KDM4C: variants seen among roughly 807,000 people sequenced by gnomAD.
KDM4C encodes lysine-specific demethylase 4C.
In KDM4C, 81 loss-of-function variants were observed where a neutral mutation model predicts 129.3. The ratio of observed to expected loss-of-function variants is 0.63; its 90% CI spans 0.52 to 0.75. The LOEUF (loss-of-function observed/expected upper bound fraction) is 0.75. KDM4C is among the 30% of genes least tolerant of loss of function. KDM4C has a pLI of 0.00. For missense variants in KDM4C, 1,457 were observed against 1,304.0 expected (o/e 1.12, Z -1.81); for synonymous variants, 573 against 456.1 (o/e 1.26, Z -3.26).
chr9:6,900,590 A>G (rs1817228637), intron 8 of KDM4C, among the ~76,000 whole-genome samples: 1 of 152,198 alleles, frequency 6.6e-6, no homozygotes, highest in African/African-American at 2.4e-5. Context: ...AGCCGTGATC[A>G]CACCACTGCA....
intron 17 of KDM4C, among the ~76,000 whole-genome samples, chr9:7,082,789 G>A (rs1834685779): frequency 6.6e-6 from 1 of 152,136 alleles, no homozygotes; most frequent in African/African-American, 2.4e-5. Context: ...ATTTGCAGTA[G>A]CAAAACACAG....
intron 15 of KDM4C, among the ~76,000 whole-genome samples, chr9:7,039,571 A>T (rs1424384182): frequency 6.6e-6 from 1 of 152,070 alleles, no homozygotes; most frequent in Non-Finnish European, 1.5e-5. Context: ...GACTCCCCCA[A>T]TACCTAACTA....
intron 19 of KDM4C, among the ~76,000 whole-genome samples, chr9:7,156,155 T>A (rs1843148552): frequency 6.6e-6 from 1 of 152,254 alleles, no homozygotes; most frequent in Non-Finnish European, 1.5e-5. Context: ...AAGTGTCTTC[T>A]TTTGAGAAGG....
At chr9:7,093,338 C>T (rs2133063364) in intron 17 of KDM4C, among the ~76,000 whole-genome samples, 1 of 152,174 alleles carries the variant, frequency 6.6e-6, no homozygotes, top group South Asian at 2.1e-4. Context: ...TAAAGATAAT[C>T]AGGGTTTATG....
intron 17 of KDM4C, among the ~76,000 whole-genome samples, chr9:7,052,594 T>C (rs911306065): frequency 6.6e-6 from 1 of 152,160 alleles, no homozygotes; most frequent in Non-Finnish European, 1.5e-5. Flanking sequence ...ACAGGAGACA[T>C]ATGATTAAAT....
At chr9:7,120,512 A>T (rs1839377598) in intron 18 of KDM4C, among the ~76,000 whole-genome samples, 1 of 152,198 alleles carries the variant, frequency 6.6e-6, no homozygotes, top group Non-Finnish European at 1.5e-5. Flanking sequence ...TATGATGGGA[A>T]GGACAGGAAT....
chr9:7,054,743 A>G (rs1343461089), intron 17 of KDM4C, among the ~76,000 whole-genome samples: 3 of 152,224 alleles, frequency 2.0e-5, no homozygotes, highest in Non-Finnish European at 2.9e-5. Flanking sequence ...GCTTAAATTA[A>G]TTAAAGATCT....
intron 15 of KDM4C, 43 bp downstream of exon 15, chr9:7,015,972 C>T (rs1044182703): frequency 2.2e-6 from 3 of 1,386,398 alleles, no homozygotes; most frequent in Non-Finnish European, 3.1e-6. Context: ...TCTTCCCACC[C>T]TACCCACTGT....
At chr9:6,735,551 T>G (rs938389361) in intron 1 of KDM4C, among the ~76,000 whole-genome samples, 1 of 152,140 alleles carries the variant, frequency 6.6e-6, no homozygotes, top group African/African-American at 2.4e-5. Context: ...TCTCATTAGG[T>G]CTGACGGTTT....
chr9:6,760,539 C>CTTTT (rs964868750), intron 1 of KDM4C, among the ~76,000 whole-genome samples: 12 of 141,780 alleles, frequency 8.5e-5, no homozygotes, highest in South Asian at 2.3e-4. Flanking sequence ...GGGTGATACT[C>CTTTT]TTTTTTATTT....
chr9:6,748,700 T>C (rs1341328396), intron 1 of KDM4C: 2 of 1,429,748 alleles, frequency 1.4e-6, no homozygotes, highest in Non-Finnish European at 2.0e-6. Flanking sequence ...TCATTGATCA[T>C]TTCTAGTTGG....
intron 1 of KDM4C, among the ~76,000 whole-genome samples, chr9:6,742,780 G>A (rs1188460398): frequency 6.6e-6 from 1 of 151,814 alleles, no homozygotes. Context: ...TGACTCTAAG[G>A]CCCTCCTTGA....
At position 7,112,680 on chromosome 9, in the gene KDM4C, A is replaced by C. The variant is rs1838460131; in HGVS notation, c.2610+8810A>C. ...TACATCATATGTAGCTATGGGTTGA[A>C]TCTATCCTTTCAGTTTCCTTTTTAT... On this transcript the variant is annotated intron_variant, in intron 18 of 21. Transcript: ENST00000381309. Among the ~76,000 whole-genome samples, 3 of 152,272 alleles carry C rather than the reference A, an allele frequency of 2.0e-5. No individual in the cohort carries two copies. In the South Asian group the frequency reaches 6.2e-4, roughly 32 times the overall value.
At chr9:6,800,908 G>A (rs1411730699) in intron 2 of KDM4C, among the ~76,000 whole-genome samples, 2 of 152,184 alleles carry the variant, frequency 1.3e-5, no homozygotes, top group Non-Finnish European at 2.9e-5. Flanking sequence ...GATTACAGGC[G>A]TGAGCCACCG....
intron 4 of KDM4C, among the ~76,000 whole-genome samples, chr9:6,842,408 C>T (rs142402686): frequency 3.4e-4 from 50 of 148,202 alleles, no homozygotes; most frequent in African/African-American, 1.2e-3. Flanking sequence ...AACCTCGGCT[C>T]ACTGCAACCT....
chr9:6,925,049 T>C lies in KDM4C; in HGVS notation c.921+31817T>C, dbSNP rs1019933017. 5 of 985,280 alleles carry C rather than the reference T, an allele frequency of 5.1e-6. No homozygotes were observed. The African/African-American group carries it at 7.0e-5, about 14-fold the overall frequency. 61.0% of individuals were successfully genotyped at this position (985,280 alleles called of 1,614,324 possible). ...CTGAAATGAACCAGGTGTATAAGAA[T>C]GAACATTCAACGAAACATGCATCCT... On this transcript the variant is annotated intron_variant, in intron 8 of 21. Transcript: ENST00000381309.
rs1215902487 is a variant in KDM4C, at chr9:6,980,443, G to A, written c.922-482G>A. 2.6e-5 allele frequency among the ~76,000 whole-genome samples: 4 copies of A among 152,154 alleles called. No individual in the cohort carries two copies. In the East Asian group the frequency reaches 5.8e-4, roughly 22 times the overall value. On this transcript the variant is annotated intron_variant, in intron 8 of 21. Transcript: ENST00000381309. ...TGCTCCTAATTTTGGGTTACCTTAT[G>A]AGAGTTCGTTAATAACCATAAATAT...
At chr9:6,906,973 A>G (rs1818431326) in intron 8 of KDM4C, among the ~76,000 whole-genome samples, 1 of 152,248 alleles carries the variant, frequency 6.6e-6, no homozygotes, top group Non-Finnish European at 1.5e-5. Flanking sequence ...GATATGGATC[A>G]AGGATTCTAG....
At chr9:6,990,156 C>T (rs1444805970) in intron 11 of KDM4C, among the ~76,000 whole-genome samples, 1 of 152,050 alleles carries the variant, frequency 6.6e-6, no homozygotes, top group African/African-American at 2.4e-5. Context: ...TTTAATAAGC[C>T]TACCCTGCCC....
Sources: gnomAD v4.1 joint callset for allele counts (sites outside exome capture counted in the v4.1 genomes callset) on GRCh38, gnomAD v4.1.1 for gene constraint, MANE v1.5 for transcripts, NCBI Gene and HGNC (gene_info 2026-07-23, HGNC 2026-07-21) for gene names.